Variants in KCNMA1 observed in about 807,000 individuals in gnomAD.
The protein encoded by KCNMA1 is potassium calcium-activated channel subfamily M alpha 1, also known as Calcium-activated potassium channel subunit alpha-1.
KCNMA1 carries 29 observed loss-of-function variants against 140.0 expected under a neutral mutation model. The ratio of observed to expected loss-of-function variants is 0.21; its 90% CI spans 0.15 to 0.28. KCNMA1 has a LOEUF of 0.28. KCNMA1 is among the 10% of genes least tolerant of loss of function. KCNMA1 has a pLI of 1.00. For synonymous variants in KCNMA1, 612 were observed against 611.9 expected, an observed-to-expected ratio of 1.00 and a Z score of 0.00; for missense variants, 880 against 1,602.2, an observed-to-expected ratio of 0.55 and a Z score of 7.70.
At chr10:77,169,926 T>C (rs1226715170) in intron 5 of KCNMA1, among the ~76,000 whole-genome samples, 1 of 152,230 alleles carries the variant, frequency 6.6e-6, no homozygotes, top group African/African-American at 2.4e-5. Context: ...GCACAGTGGC[T>C]CACACCTGTA....
chr10:77,523,235 G>A (rs746630854), intron 1 of KCNMA1, among the ~76,000 whole-genome samples: 60 of 138,984 alleles, frequency 4.3e-4, no homozygotes, highest in Admixed American at 2.2e-3. Context: ...CCACAGAACC[G>A]CATAGTAGGT....
intron 19 of KCNMA1, among the ~76,000 whole-genome samples, chr10:76,991,886 C>T (rs1165127702): frequency 6.6e-6 from 1 of 152,146 alleles, no homozygotes; most frequent in Non-Finnish European, 1.5e-5. Flanking sequence ...CAGAAGATAG[C>T]CCATGCTCTA....
chr10:77,291,274 T>C (rs559515996), intron 2 of KCNMA1, among the ~76,000 whole-genome samples: 2 of 152,216 alleles, frequency 1.3e-5, no homozygotes, highest in Non-Finnish European at 2.9e-5. Context: ...AGATTTCTTG[T>C]ATGAAATGTA....
At chr10:77,181,461 A>G (rs991638460) in intron 5 of KCNMA1, among the ~76,000 whole-genome samples, 7 of 152,186 alleles carry the variant, frequency 4.6e-5, no homozygotes, top group East Asian at 1.9e-4. Context: ...GTCCACCCCA[A>G]TGACCTAGAT....
intron 2 of KCNMA1, among the ~76,000 whole-genome samples, chr10:77,280,799 G>T (rs1165671657): frequency 1.3e-5 from 2 of 152,078 alleles, no homozygotes; most frequent in African/African-American, 2.4e-5. Context: ...AAAGTGCTGG[G>T]ATTACAGGTG....
chr10:77,115,106 C>A (rs925127883), intron 6 of KCNMA1, among the ~76,000 whole-genome samples: 13 of 152,216 alleles, frequency 8.5e-5, no homozygotes, highest in African/African-American at 3.1e-4. Flanking sequence ...TAACAACAAT[C>A]TTTCTTCTTC....
At chr10:76,897,011 T>TACACACACACACAC (rs3067677) in intron 25 of KCNMA1, among the ~76,000 whole-genome samples, 48 of 142,820 alleles carry the variant, frequency 3.4e-4, no homozygotes, top group African/African-American at 6.5e-4. Context: ...AGGTGAAAAT[T>TACACACACACACAC]ACACACACAC....
intron 1 of KCNMA1, among the ~76,000 whole-genome samples, chr10:77,462,193 C>T (rs557246927): frequency 6.6e-6 from 1 of 152,120 alleles, no homozygotes; most frequent in East Asian, 1.9e-4. Flanking sequence ...TGCACACTAA[C>T]ATAAATACAC....
chr10:77,154,657 T>A (rs61701441), intron 5 of KCNMA1, among the ~76,000 whole-genome samples: 1 of 152,168 alleles, frequency 6.6e-6, no homozygotes, highest in Admixed American at 6.5e-5. Flanking sequence ...TACAGATATA[T>A]AGAGGCAGAG....
At chr10:77,194,182 G>C (rs750103061) in intron 3 of KCNMA1, among the ~76,000 whole-genome samples, 1 of 152,102 alleles carries the variant, frequency 6.6e-6, no homozygotes, top group Non-Finnish European at 1.5e-5. Context: ...ATTCATACAG[G>C]GGATGGCAGA....
In KCNMA1 at chr10:77,086,610, G is replaced by T. The variant is rs561815823; in HGVS notation, c.1335-17C>A. On this transcript the variant is annotated splice_polypyrimidine_tract_variant and intron_variant, in intron 10 of 27. Coordinates refer to ENST00000286628, the MANE Select transcript of KCNMA1 (RefSeq NM_001161352.2). ...GGGGAGATGCTACACAGGGAGAGAA[G>T]AAATCGCTATTAATTTAATGGACTC... 6.4e-7 allele frequency: 1 copy of T among 1,568,572 alleles called. No homozygotes were observed. Among genetic ancestry groups the T allele is most frequent in the Admixed American group, 1.7e-5 (1 of 59,918 alleles).
chr10:76,965,602 C>G (rs577527146), intron 20 of KCNMA1, among the ~76,000 whole-genome samples: 1 of 152,174 alleles, frequency 6.6e-6, no homozygotes, highest in Non-Finnish European at 1.5e-5. Flanking sequence ...CCATCTAGGC[C>G]ACTCCAAAGA....
Position 77,001,596 on chromosome 10 carries a change from T to C in KCNMA1, c.2093-16A>G. 1 of 1,546,984 alleles carries C rather than the reference T, an allele frequency of 6.5e-7. No homozygotes were observed. The highest frequency in any genetic ancestry group is 8.7e-7 in the Non-Finnish European group (1 of 1,143,056). On this transcript the variant is annotated splice_polypyrimidine_tract_variant and intron_variant, in intron 18 of 27. Coordinates refer to ENST00000286628, the MANE Select transcript of KCNMA1 (RefSeq NM_001161352.2). ...GACATCTTGGCTATAACCGTGTGGT[T>C]GGATGGGAGGAGAGGAAGAGCGGCA...
At chr10:77,499,612 G>T (rs1213792599) in intron 1 of KCNMA1, among the ~76,000 whole-genome samples, 2 of 152,054 alleles carry the variant, frequency 1.3e-5, no homozygotes, top group Admixed American at 1.3e-4. Flanking sequence ...GGGCCAAGTT[G>T]TCATTCATAT....
chr10:76,918,972 C>T (rs769557096), intron 23 of KCNMA1, among the ~76,000 whole-genome samples: 1 of 150,904 alleles, frequency 6.6e-6, no homozygotes, highest in Non-Finnish European at 1.5e-5. Context: ...GAATACTACA[C>T]AGCCATACAA....
intron 1 of KCNMA1, among the ~76,000 whole-genome samples, chr10:77,504,993 G>A (rs904047322): frequency 1.3e-5 from 2 of 152,116 alleles, no homozygotes; most frequent in African/African-American, 4.8e-5. Context: ...GGAGACTCGG[G>A]TCTCCTGAGA....
chr10:77,442,601 G>C (rs1369171971), intron 1 of KCNMA1, among the ~76,000 whole-genome samples: 1 of 152,108 alleles, frequency 6.6e-6, no homozygotes, highest in Non-Finnish European at 1.5e-5. Context: ...CTGACCTCTA[G>C]GGACTGCTTA....
intron 6 of KCNMA1, among the ~76,000 whole-genome samples, chr10:77,114,519 T>G (rs2097404486): frequency 2.6e-5 from 4 of 152,208 alleles, no homozygotes; most frequent in Admixed American, 2.0e-4. Context: ...CACCCCTCTT[T>G]CACATAAACT....
At chr10:77,107,296 T>C (rs920057404) in intron 9 of KCNMA1, among the ~76,000 whole-genome samples, 1 of 152,216 alleles carries the variant, frequency 6.6e-6, no homozygotes, top group African/African-American at 2.4e-5. Flanking sequence ...CGTCCATGAC[T>C]GGGAAGAGGC....
Sources: allele counts gnomAD v4.1 joint callset (sites outside exome capture counted in the v4.1 genomes callset), GRCh38; gene constraint gnomAD v4.1.1; transcripts MANE v1.5; gene names NCBI Gene and HGNC (gene_info 2026-07-23, HGNC 2026-07-21).